Variants in PLK1 observed in about 807,000 individuals in gnomAD.
PLK1 encodes polo like kinase 1.
In PLK1, 6 loss-of-function variants were observed where a neutral mutation model predicts 56.7. The observed-to-expected ratio is 0.11, with a 90% confidence interval of 0.06 to 0.21. The LOEUF (loss-of-function observed/expected upper bound fraction) is 0.21. Ranked by LOEUF, PLK1 falls within the 10% of genes least tolerant of loss-of-function variation. The pLI is 1.00. For missense variants in PLK1, 546 were observed against 814.4 expected, an observed-to-expected ratio of 0.67 and a Z score of 4.01; for synonymous variants, 298 against 325.0, an observed-to-expected ratio of 0.92 and a Z score of 0.89.
rs759970852 is a variant in PLK1 at position 23,683,885 on chromosome 16, G to T, written c.832G>T (p.Ala278Ser). 6.2e-7 allele frequency: 1 copy of T among 1,613,892 alleles called. No homozygotes were observed. The highest frequency in any genetic ancestry group is 1.7e-5 in the Admixed American group (1 of 60,000). ...YSIPKHINPV[A>S]ASLIQKMLQT... is the part of the protein sequence containing the mutation. ...TCTGCCCCAGCACATCAACCCCGTG[G>T]CCGCCTCCCTCATCCAGAAGATGCT... The change falls in exon 5 of 10, where the codon GCC becomes TCC. Residue 278 changes from alanine to serine, a missense_variant. By Grantham distance (99) the Ala-to-Ser change is moderately conservative. Transcript: ENST00000300093.
At position 23,689,619 on chromosome 16, in the gene PLK1, C is replaced by T; in HGVS notation, c.1551C>T (p.Thr517=). The change falls in exon 9 of 10, where the codon ACC becomes ACT. Residue 517 remains threonine (T), a synonymous_variant. Transcript: ENST00000300093. The surrounding 1 kb of genome is among the most constrained non-coding windows in gnomAD (Gnocchi z 4.8). ...RLPYLRTWFR[T]RSAIILHLSN... Reference sequence around the variant, plus strand: ...CCTACCTACGGACCTGGTTCCGCACCCGCAGCGCCATCATCCTGCACCTCA... The same window carrying T: ...CCTACCTACGGACCTGGTTCCGCACTCGCAGCGCCATCATCCTGCACCTCA... The T allele has an allele frequency of 6.2e-7, 1 of 1,612,938 alleles. No homozygotes were observed. The highest frequency in any genetic ancestry group is 8.5e-7 in the Non-Finnish European group (1 of 1,179,844).
At chr16:23,679,834 G>A (rs1277445272) in intron 1 of PLK1, 2 of 390,528 alleles carry the variant, frequency 5.1e-6, no homozygotes, top group South Asian at 1.2e-4. Flanking sequence ...CAGGTAAGGG[G>A]GGAAGCTAGT....
Position 23,689,562 on chromosome 16 carries a change from G to T in PLK1, c.1494G>T (p.Thr498=), listed in dbSNP as rs750381396. The T allele has an allele frequency of 6.2e-7, 1 of 1,613,544 alleles. No individual in the cohort carries two copies. Residue 498 remains threonine (T), a synonymous_variant, in exon 9 of 10, where the codon ACG becomes ACT. Coordinates refer to ENST00000300093, the MANE Select transcript of PLK1 (RefSeq NM_005030.6). The surrounding 1 kb of genome is among the most constrained non-coding windows in gnomAD (Gnocchi z 4.8). ...TGCTGAAGGCAGGTGCCAACATCAC[G>T]CCGCGCGAAGGTGATGAGCTCGCCC... is the stretch of plus-strand genomic sequence containing the variant. ...EHLLKAGANI[T]PREGDELARL...
intron 1 of PLK1, chr16:23,679,584 C>A: frequency 2.0e-6 from 1 of 495,892 alleles, no homozygotes; most frequent in Non-Finnish European, 3.6e-6. Flanking sequence ...ATAGGGAAGT[C>A]AGCTTCTGGA....
intron 3 of PLK1, 113 bp downstream of exon 3, chr16:23,681,171 C>A: frequency 2.2e-6 from 2 of 891,786 alleles, no homozygotes; most frequent in Non-Finnish European, 3.6e-6. Context: ...AGAAAGCCTA[C>A]TCCAAGGGAC....
In PLK1 at chr16:23,689,850, T is replaced by C; in HGVS notation, c.1609-10T>C. ...TGGGATCGCCAACCCCTGCTGCTCT[T>C]CTCTTGCAGGATCACACCAAGCTCA... On this transcript the variant is annotated splice_polypyrimidine_tract_variant and intron_variant, in intron 9 of 9. Transcript: ENST00000300093. The surrounding 1 kb of genome is among the most constrained non-coding windows in gnomAD (Gnocchi z 4.8). The C allele has an allele frequency of 6.2e-7, 1 of 1,611,912 alleles. No homozygotes were observed. Among genetic ancestry groups the C allele is most frequent in the Non-Finnish European group, 8.5e-7 (1 of 1,178,166 alleles).
Position 23,690,149 on chromosome 16 carries a change from C to A in PLK1, c.*86C>A. On this transcript the variant is annotated 3_prime_UTR_variant, in exon 10 of 10. Transcript: ENST00000300093. The stretch of plus-strand genomic sequence containing the variant: ...CTGGTTGGCTCCCGCGGTGCCATGT[C>A]TGCAGTGTGCCCCCCAGCCCCGGTG... 1 of 1,020,260 alleles carries A rather than the reference C, an allele frequency of 9.8e-7. No individual in the cohort carries two copies. The highest frequency in any genetic ancestry group is 1.6e-5 in the African/African-American group (1 of 64,126). 63.2% of individuals were successfully genotyped at this position (1,020,260 alleles called of 1,614,324 possible).
rs560694952 is a variant in PLK1 at position 23,681,892 on chromosome 16, AAT to A, written c.723-171_723-170del. ...ATTCTGCTGAGGGCTTATTCTAGCC[AAT>A]GTCATGGCTTCTGGGGCTGCTCAGT... On this transcript the variant is annotated intron_variant, in intron 3 of 9. Transcript: ENST00000300093. Among the ~76,000 whole-genome samples, 500 of 152,262 alleles carry A rather than the reference AAT, an allele frequency of 3.3e-3. 2 individuals are homozygous for A. The highest frequency in any genetic ancestry group is 6.8e-3 in the Middle Eastern group (2 of 294).
Position 23,678,931 on chromosome 16 carries a change from G to A in PLK1, c.-2G>A. On this transcript the variant is annotated 5_prime_UTR_variant, in exon 1 of 10. Coordinates refer to ENST00000300093, the MANE Select transcript of PLK1 (RefSeq NM_005030.6). ...CGAGGTCTGCAGCGCAGCTTCGGGA[G>A]CATGAGTGCTGCAGTGACTGCAGGG... 1 of 1,524,888 alleles carries A rather than the reference G, an allele frequency of 6.6e-7. No individual in the cohort carries two copies. The highest frequency in any genetic ancestry group is 8.8e-7 in the Non-Finnish European group (1 of 1,133,628). 94.5% of individuals were successfully genotyped at this position (1,524,888 alleles called of 1,614,324 possible). A position where few individuals can be genotyped will look rare whatever the true frequency, so the allele number is the denominator to read the frequency against.
rs1359040846 is a variant in PLK1, at chr16:23,684,091, TACA to T, written c.1036+7_1036+9del. 4 of 1,611,714 alleles carry T rather than the reference TACA, an allele frequency of 2.5e-6. No homozygotes were observed. Among genetic ancestry groups the T allele is most frequent in the Admixed American group, 3.3e-5 (2 of 60,004 alleles). On this transcript the variant is annotated splice_donor_5th_base_variant and intron_variant, in intron 5 of 9. Coordinates refer to ENST00000300093, the MANE Select transcript of PLK1 (RefSeq NM_005030.6). Reference sequence around the variant, plus strand: ...AGCCCCTCACAGTCCTCAATAAAGGTACAACAAGGGTCTGGGTAAGAGAGCAGA... The same window carrying T: ...AGCCCCTCACAGTCCTCAATAAAGGTACAAGGGTCTGGGTAAGAGAGCAGA...
In PLK1 at chr16:23,679,241, C is replaced by T. The variant is rs749419059; in HGVS notation, c.309C>T (p.Ser103=). The stretch of plus-strand genomic sequence containing the variant: ...GGGAGAAGATGTCCATGGAAATATC[C>T]ATTCACCGCAGCCTCGCCCACCAGC... ...HQREKMSMEI[S]IHRSLAHQHV... Residue 103 remains serine, a synonymous_variant, in exon 1 of 10, where the codon TCC becomes TCT. Coordinates refer to ENST00000300093, the MANE Select transcript of PLK1 (RefSeq NM_005030.6). 3.7e-6 allele frequency: 6 copies of T among 1,614,122 alleles called. No individual in the cohort carries two copies. Among genetic ancestry groups the T allele is most frequent in the Non-Finnish European group, 5.1e-6 (6 of 1,180,006 alleles).
chr16:23,688,619 G>A (rs1959469754), intron 6 of PLK1, 49 bp from the exon 7 acceptor site: 1 of 1,386,522 alleles, frequency 7.2e-7, no homozygotes, highest in Admixed American at 1.7e-5. Context: ...GGAGCAGAGG[G>A]GAAGAGGCTG....
At chr16:23,680,017 C>T in intron 1 of PLK1, 67 bp from the exon 2 acceptor site, 1 of 1,148,992 alleles carries the variant, frequency 8.7e-7, no homozygotes, top group African/African-American at 1.5e-5. Context: ...GCCTGGTAAC[C>T]CTCTCCCTTC....
At chr16:23,683,810 C>T (rs1391593999) in intron 4 of PLK1, 60 bp from the exon 5 acceptor site, 15 of 1,302,430 alleles carry the variant, frequency 1.2e-5, no homozygotes, top group Admixed American at 1.7e-5. Flanking sequence ...CCTTTGAGGC[C>T]GTACTGTACT....
At chr16:23,682,229 C>A in intron 4 of PLK1, 72 bp downstream of exon 4, 1 of 843,362 alleles carries the variant, frequency 1.2e-6, no homozygotes, top group South Asian at 1.4e-5. Context: ...CCAGCAATAT[C>A]CTAGGACCAG....
chr16:23,684,179 C>A, intron 5 of PLK1, 90 bp downstream of exon 5: 2 of 996,714 alleles, frequency 2.0e-6, no homozygotes, highest in Non-Finnish European at 1.6e-6. Context: ...GCCCTGAGAG[C>A]TCAGGTGTGG....
chr16:23,682,366 C>G (rs1218269248), intron 4 of PLK1, among the ~76,000 whole-genome samples: 1 of 151,922 alleles, frequency 6.6e-6, no homozygotes, highest in African/African-American at 2.4e-5. Context: ...TTGGCAGATT[C>G]TCAAGAGATT....
At chr16:23,681,870 CT>C (rs1302005578) in intron 3 of PLK1, among the ~76,000 whole-genome samples, 193 bp from the exon 4 acceptor site, 1 of 152,192 alleles carries the variant, frequency 6.6e-6, no homozygotes, top group Non-Finnish European at 1.5e-5. Context: ...CATGTGTATT[CT>C]GCTGAGGGCT....
chr16:23,689,944 A>C lies in PLK1; in HGVS notation c.1693A>C (p.Ser565Arg), dbSNP rs1854151821. 6.2e-7 allele frequency: 1 copy of C among 1,613,916 alleles called. No homozygotes were observed. The highest frequency in any genetic ancestry group is 1.1e-5 in the South Asian group (1 of 91,086). The change falls in exon 10 of 10, where the codon AGT (serine) becomes CGT (arginine). Residue 565 changes from serine to arginine, a missense_variant. By Grantham distance (110) the Ser-to-Arg change is moderately radical. Coordinates refer to ENST00000300093, the MANE Select transcript of PLK1 (RefSeq NM_005030.6). This position sits in a 1 kb window ranked among gnomAD's most constrained non-coding sequence, Gnocchi z 4.8. ...GCGGGACTTCCGCACATACCGCCTG[A>C]GTCTCCTGGAGGAGTACGGCTGCTG... ...EKRDFRTYRL[S>R]LLEEYGCCKE...
Sources: gnomAD v4.1 joint callset for allele counts (sites outside exome capture counted in the v4.1 genomes callset) on GRCh38, gnomAD v4.1.1 for gene constraint, Gnocchi (gnomAD v3.1) non-coding constraint, MANE v1.5 for transcripts, NCBI Gene and HGNC (gene_info 2026-07-23, HGNC 2026-07-21) for gene names.